Variants in RASA2 observed in about 807,000 individuals in gnomAD.
RASA2 encodes RAS p21 protein activator 2.
Under a neutral mutation model 118.2 loss-of-function variants are expected in RASA2, and 155 were observed. The observed-to-expected ratio is 1.31, with a 90% CI of 1.15 to 1.50. RASA2 has a LOEUF of 1.50. RASA2 is among the 40% of genes most tolerant of loss of function. RASA2 has a pLI of 0.00. For missense variants in RASA2, 1,016 were observed against 1,009.6 expected (o/e 1.01, Z -0.09); for synonymous variants, 353 against 349.1 (o/e 1.01, Z -0.12).
At chr3:141,507,941 T>C (rs771536098) in intron 1 of RASA2, among the ~76,000 whole-genome samples, 18 of 152,032 alleles carry the variant, frequency 1.2e-4, no homozygotes, top group Non-Finnish European at 2.1e-4. Flanking sequence ...CTGAAGGAGG[T>C]TGAAATGGAT....
At chr3:141,511,351 A>G (rs1260363512) in intron 1 of RASA2, among the ~76,000 whole-genome samples, 3 of 152,144 alleles carry the variant, frequency 2.0e-5, no homozygotes, top group Non-Finnish European at 4.4e-5. Context: ...CATTAACACC[A>G]TATACTGCAG....
At position 141,586,667 on chromosome 3, in the gene RASA2, A is replaced by G. The variant is rs1439086945; in HGVS notation, c.1848A>G (p.Gln616=). The G allele has an allele frequency of 6.2e-7, 1 of 1,612,586 alleles. No individual in the cohort carries two copies. Among genetic ancestry groups the G allele is most frequent in the South Asian group, 1.1e-5 (1 of 90,988 alleles). Reference sequence around the variant, plus strand: ...GCAGTGAGATGTATAAAAGAGCTCAAGGAAGAACTCGGATTGGAAAAAAGA... The same window carrying G: ...GCAGTGAGATGTATAAAAGAGCTCAGGGAAGAACTCGGATTGGAAAAAAGA... ...LKEGEMYKRA[Q]GRTRIGKKNF... is the part of the protein sequence containing the mutation. The change falls in exon 19 of 24, where the codon CAA becomes CAG. Residue 616 remains glutamine, a synonymous_variant. Transcript: ENST00000286364.
In RASA2 at chr3:141,571,048, C is replaced by G; in HGVS notation, c.1000C>G (p.Leu334Val). The G allele has an allele frequency of 6.2e-7, 1 of 1,601,136 alleles. No individual in the cohort carries two copies. Among genetic ancestry groups the G allele is most frequent in the Non-Finnish European group, 8.5e-7 (1 of 1,176,464 alleles). The change falls in exon 10 of 24, where the codon CTA becomes GTA. Residue 334 changes from leucine to valine, a missense_variant. Around this residue, in one of 2 missense-constraint regions of RASA2, gnomAD observed 896 missense variants for 836.4 expected, o/e 1.07. Coordinates refer to ENST00000286364, the MANE Select transcript of RASA2 (RefSeq NM_006506.5). ...EYYGPLKTLL[L>V]KSPDVQPISA... ...CTATGGTCCTTTGAAAACTTTGCTGCTAAAATCACCAGATGTTCAAGTATG... is the reference window on the plus strand; with the variant it reads ...CTATGGTCCTTTGAAAACTTTGCTGGTAAAATCACCAGATGTTCAAGTATG...
intron 4 of RASA2, among the ~76,000 whole-genome samples, chr3:141,537,797 G>A (rs997283927): frequency 6.6e-6 from 1 of 152,066 alleles, no homozygotes; most frequent in Non-Finnish European, 1.5e-5. Context: ...TTTAAATTCT[G>A]TCAATTCCAA....
chr3:141,531,364 A>G (rs2082256185), intron 4 of RASA2, among the ~76,000 whole-genome samples: 1 of 151,828 alleles, frequency 6.6e-6, no homozygotes, highest in Admixed American at 6.6e-5. Context: ...AGATGGTACT[A>G]AAGATTAATA....
chr3:141,519,138 C>A (rs188446562), intron 3 of RASA2, among the ~76,000 whole-genome samples: 153 of 152,254 alleles, frequency 1.0e-3, no homozygotes, highest in African/African-American at 3.5e-3. Flanking sequence ...ATGATTTCCT[C>A]TGTAAATTTC....
At chr3:141,596,011 A>G (rs948218033) in intron 19 of RASA2, among the ~76,000 whole-genome samples, 19 of 152,360 alleles carry the variant, frequency 1.2e-4, no homozygotes, top group African/African-American at 3.1e-4. Flanking sequence ...AAATAATACT[A>G]TCAGTCACCT....
chr3:141,607,257 A>G (rs538691955), intron 19 of RASA2, among the ~76,000 whole-genome samples: 1 of 152,164 alleles, frequency 6.6e-6, no homozygotes, highest in Non-Finnish European at 1.5e-5. Flanking sequence ...AGAAAAATAT[A>G]AAAATGCACA....
intron 19 of RASA2, among the ~76,000 whole-genome samples, chr3:141,606,732 A>G (rs996087676): frequency 3.9e-5 from 6 of 152,154 alleles, no homozygotes; most frequent in Non-Finnish European, 8.8e-5. Context: ...CAAAAAAAAA[A>G]GAAACATACC....
chr3:141,555,911 AG>A lies in RASA2; in HGVS notation c.684+1del. The A allele has an allele frequency of 6.2e-7, 1 of 1,603,446 alleles. No homozygotes were observed. Among genetic ancestry groups the A allele is most frequent in the Non-Finnish European group, 8.5e-7 (1 of 1,173,980 alleles). Reference sequence around the variant, plus strand: ...CAGTTTAATGAAATCTTTTATTTTGAGGTAATTTTTTGTTTTACGTAAATGT... The same window carrying A: ...CAGTTTAATGAAATCTTTTATTTTGAGTAATTTTTTGTTTTACGTAAATGT... ...NPQFNEIFYF[E>X]VTRSSSYTRK... On this transcript the variant is annotated frameshift_variant and splice_region_variant, in exon 7 of 24. Coordinates refer to ENST00000286364, the MANE Select transcript of RASA2 (RefSeq NM_006506.5). LOFTEE classifies it high-confidence loss of function.
At chr3:141,532,079 C>T (rs1364989370) in intron 4 of RASA2, among the ~76,000 whole-genome samples, 1 of 151,992 alleles carries the variant, frequency 6.6e-6, no homozygotes, top group Non-Finnish European at 1.5e-5. Context: ...ACCAGTGTAT[C>T]CTAAGCACAG....
At chr3:141,580,997 A>G (rs1426389222) in intron 16 of RASA2, 103 bp from the exon 17 acceptor site, 4 of 1,203,988 alleles carry the variant, frequency 3.3e-6, no homozygotes, top group Middle Eastern at 2.0e-4. Context: ...GAAAATATAT[A>G]ATTGAGTCCT....
intron 4 of RASA2, among the ~76,000 whole-genome samples, chr3:141,530,979 G>A: frequency 6.6e-6 from 1 of 152,022 alleles, no homozygotes; most frequent in Non-Finnish European, 1.5e-5. Flanking sequence ...TCTATAAAGT[G>A]GGAATAAAAG....
In RASA2 at chr3:141,586,966, A is replaced by G; in HGVS notation, c.1933+214A>G. The stretch of plus-strand genomic sequence containing the variant: ...CATTAAATTTCTTGAGTTTCTGAAA[A>G]TGGTGTTCCTTCAGTGTGCTCTGTT... On this transcript the variant is annotated intron_variant, in intron 19 of 23. Transcript: ENST00000286364. 1.6e-5 allele frequency: 9 copies of G among 573,992 alleles called. No individual in the cohort carries two copies. The South Asian group carries it at 1.6e-4, about 10-fold the overall frequency. 35.6% of individuals were successfully genotyped at this position (573,992 alleles called of 1,614,324 possible).
intron 9 of RASA2, among the ~76,000 whole-genome samples, chr3:141,565,835 A>G (rs917158810): frequency 1.2e-4 from 18 of 152,186 alleles, no homozygotes; most frequent in Non-Finnish European, 1.9e-4. Context: ...TAATTATTTC[A>G]TTGACCATAT....
rs754478830 is a variant in RASA2, at chr3:141,612,266, CTT to C, written c.2520-11_2520-10del. On this transcript the variant is annotated splice_polypyrimidine_tract_variant and intron_variant, in intron 23 of 23. Coordinates refer to ENST00000286364, the MANE Select transcript of RASA2 (RefSeq NM_006506.5). Reference sequence around the variant, plus strand: ...GTATTTCTTAAATTTTGAAAAATGACTTTTTTTCTTCTCTAGGGAAAATCCAA... The same window carrying C: ...GTATTTCTTAAATTTTGAAAAATGACTTTTTCTTCTCTAGGGAAAATCCAA... 17 of 1,566,750 alleles carry C rather than the reference CTT, an allele frequency of 1.1e-5. No homozygotes were observed. The highest frequency in any genetic ancestry group is 1.5e-5 in the Non-Finnish European group (17 of 1,143,262).
chr3:141,494,493 C>G (rs1005667522), intron 1 of RASA2, among the ~76,000 whole-genome samples: 1 of 152,134 alleles, frequency 6.6e-6, no homozygotes, highest in Non-Finnish European at 1.5e-5. Context: ...CTCAGCCTCC[C>G]GAGTAGCTGG....
At chr3:141,586,155 A>C in intron 18 of RASA2, 57 bp downstream of exon 18, 1 of 1,461,108 alleles carries the variant, frequency 6.8e-7, no homozygotes, top group Non-Finnish European at 9.5e-7. Context: ...TTAAGTAAGT[A>C]CAAAGAGCGT....
chr3:141,557,173 C>G (rs1019746089), intron 7 of RASA2, among the ~76,000 whole-genome samples: 1 of 152,188 alleles, frequency 6.6e-6, no homozygotes, highest in Non-Finnish European at 1.5e-5. Context: ...CCTGCTGTAG[C>G]AGGAGTACTT....
Sources: gnomAD v4.1 joint callset for allele counts (sites outside exome capture counted in the v4.1 genomes callset) on GRCh38, gnomAD v4.1.1 for gene constraint, gnomAD v4.1.1 regional missense constraint, MANE v1.5 for transcripts, NCBI Gene and HGNC (gene_info 2026-07-23, HGNC 2026-07-21) for gene names.